PSG11: variants seen among roughly 807,000 people sequenced by gnomAD.
The protein encoded by PSG11 is pregnancy-specific beta-1-glycoprotein 11.
PSG11 carries 42 observed loss-of-function variants against 36.0 expected under a neutral mutation model. The ratio of observed to expected loss-of-function variants is 1.17; its 90% confidence interval spans 0.91 to 1.51. PSG11 has a LOEUF of 1.51. Ranked by LOEUF, PSG11 falls within the 40% of genes most tolerant of loss-of-function variation. The probability of loss-of-function intolerance (pLI) is 0.00; values close to 1 mark genes in which losing one functional copy is unlikely to be tolerated. For missense variants in PSG11, 558 were observed against 403.5 expected, an observed-to-expected ratio of 1.38 and a Z score of -3.28; for synonymous variants, 206 against 153.5, an observed-to-expected ratio of 1.34 and a Z score of -2.53.
chr19:43,018,659 C>T lies in PSG11; in HGVS notation c.709+111G>A, dbSNP rs891321177. ...AGAAAGTCATGGCCAGCTTTGATGT[C>T]CAGTGGTAAAGGTCTCTGTACTTGG... On this transcript the variant is annotated intron_variant, in intron 3 of 5. Coordinates refer to ENST00000320078, the MANE Select transcript of PSG11 (RefSeq NM_002785.3). The T allele has an allele frequency of 2.9e-5, 46 of 1,601,036 alleles. 1 individual carries two copies. Among genetic ancestry groups the T allele is most frequent in the Non-Finnish European group, 3.8e-5 (45 of 1,170,412 alleles).
In PSG11 at chr19:43,015,739, T is replaced by C. The variant is rs113023429; in HGVS notation, c.710-369A>G. ...CTGGTCGTTTGGATTTAAGCTGGTG[T>C]CCTGGCCCACAGAGGAACAAAAGAT... On this transcript the variant is annotated intron_variant, in intron 3 of 5. Coordinates refer to ENST00000320078, the MANE Select transcript of PSG11 (RefSeq NM_002785.3). 5 of 1,607,810 alleles carry C rather than the reference T, an allele frequency of 3.1e-6. 1 individual carries two copies. Among genetic ancestry groups the C allele is most frequent in the South Asian group, 2.2e-5 (2 of 90,448 alleles).
Position 43,018,776 on chromosome 19 carries a change from G to C in PSG11, c.703C>G (p.Leu235Val). Residue 235 changes from leucine to valine, a missense_variant, in exon 3 of 6, where the codon CTC becomes GTC. By Grantham distance (32) the Leu-to-Val change is conservative (BLOSUM62 1). Transcript: ENST00000320078. ...ASRSDPVTLN[L>V]LHGPDLPRIF... ...AGGAACAGAAGATACTCACGGAGGA[G>C]ATTCAGGGTGACTGGGTCACTGCGG... 1.9e-6 allele frequency: 3 copies of C among 1,612,144 alleles called. No homozygotes were observed. The highest frequency in any genetic ancestry group is 2.5e-6 in the Non-Finnish European group (3 of 1,179,054).
chr19:43,009,470 G>C lies in PSG11; in HGVS notation c.*40+488C>G, dbSNP rs201638243. On this transcript the variant is annotated intron_variant, in intron 5 of 5. Coordinates refer to ENST00000320078, the MANE Select transcript of PSG11 (RefSeq NM_002785.3). ...GAGGTAAAGGAAGTGAGAAGGCTTA[G>C]TAAATAGAAGAAATGTGAACTTATC... 2.4e-4 allele frequency among the ~76,000 whole-genome samples: 37 copies of C among 151,430 alleles called. 2 individuals are homozygous for C. The highest frequency in any genetic ancestry group is 9.7e-4 in the East Asian group (5 of 5,140).
In PSG11 at chr19:43,010,048, T is replaced by C. The variant is rs560060515; in HGVS notation, c.965-7A>G. ...GTTCCTAATCCTGGAGGAGCTGTCA[T>C]GGAAAGAAAAGAAAAGAAGGAATGA... On this transcript the variant is annotated splice_polypyrimidine_tract_variant and splice_region_variant and intron_variant, in intron 4 of 5. Coordinates refer to ENST00000320078, the MANE Select transcript of PSG11 (RefSeq NM_002785.3). The C allele has an allele frequency of 2.2e-5, 35 of 1,608,364 alleles. No individual in the cohort carries two copies. In the East Asian group the frequency reaches 6.5e-4, roughly 30 times the overall value.
intron 3 of PSG11, among the ~76,000 whole-genome samples, chr19:43,017,031 A>G (rs1455294137): frequency 6.6e-6 from 1 of 151,382 alleles, no homozygotes; most frequent in African/African-American, 2.4e-5. Flanking sequence ...TACTCTAGGG[A>G]CCTCATGTAA....
In PSG11 at chr19:43,015,294, G is replaced by A. The variant is rs757056010; in HGVS notation, c.786C>T (p.Phe262=). The part of the protein sequence containing the change: ...YSGENLDLSC[F]ANSNPPAQYS... ...ACTGTGCTGGTGGGTTAGAGTTTGC[G>A]AAGCAGGACAAGTCGAGGTTCTCTC... The change falls in exon 4 of 6, where the codon TTC becomes TTT. Residue 262 remains phenylalanine (F), a synonymous_variant. Coordinates refer to ENST00000320078, the MANE Select transcript of PSG11 (RefSeq NM_002785.3). 128 of 1,610,460 alleles carry A rather than the reference G, an allele frequency of 7.9e-5. No homozygotes were observed. In the Admixed American group the frequency reaches 2.0e-3, roughly 25 times the overall value.
At chr19:43,023,752 G>A (rs1967163482) in intron 2 of PSG11, among the ~76,000 whole-genome samples, 1 of 151,248 alleles carries the variant, frequency 6.6e-6, no homozygotes, top group African/African-American at 2.4e-5. Flanking sequence ...CTCTGATTCA[G>A]TGACTGTGCC....
At position 43,018,533 on chromosome 19, in the gene PSG11, T is replaced by C. The variant is rs1248639581; in HGVS notation, c.709+237A>G. On this transcript the variant is annotated intron_variant, in intron 3 of 5. Transcript: ENST00000320078. ...CTGGAGCCTGAGACATTCACCTGTT[T>C]CTCCCATCACAATCTGTGGACCCTG... 5.2e-6 allele frequency: 5 copies of C among 955,394 alleles called. No homozygotes were observed. In the African/African-American group the frequency reaches 8.4e-5, roughly 16 times the overall value. 59.2% of individuals were successfully genotyped at this position (955,394 alleles called of 1,614,324 possible).
At chr19:43,020,099 G>C (rs1011602809) in intron 2 of PSG11, among the ~76,000 whole-genome samples, 2 of 151,398 alleles carry the variant, frequency 1.3e-5, no homozygotes, top group African/African-American at 4.9e-5. Context: ...TGGGATCAGG[G>C]GAATTGGGTG....
intron 2 of PSG11, 120 bp from the exon 3 acceptor site, chr19:43,019,168 G>T: frequency 6.6e-7 from 1 of 1,520,372 alleles, no homozygotes; most frequent in Non-Finnish European, 8.8e-7. Context: ...AAAAGCCCAT[G>T]GCAGGTGTGT....
intron 2 of PSG11, chr19:43,019,258 T>C: frequency 1.8e-6 from 2 of 1,123,484 alleles, no homozygotes; most frequent in Non-Finnish European, 2.4e-6. Context: ...AAGCACAGAC[T>C]TTCTCAGGTG....
intron 4 of PSG11, chr19:43,010,502 G>A: frequency 3.4e-6 from 3 of 883,158 alleles, no homozygotes; most frequent in East Asian, 6.4e-5. Context: ...CTTTCCTACA[G>A]GCTCCCAGGA....
rs965177762 is a variant in PSG11, at chr19:43,011,571, A to G, written c.965-1530T>C. 2.8e-4 allele frequency among the ~76,000 whole-genome samples: 43 copies of G among 151,476 alleles called. 1 individual carries two copies. The highest frequency in any genetic ancestry group is 1.0e-3 in the African/African-American group (42 of 41,146). ...AGATTGACTAAGAAAAAAAGAGAAA[A>G]GTTTAAAATTACTCAAATCAGAAAT... On this transcript the variant is annotated intron_variant, in intron 4 of 5. Coordinates refer to ENST00000320078, the MANE Select transcript of PSG11 (RefSeq NM_002785.3).
chr19:43,024,839 T>G lies in PSG11; in HGVS notation c.282A>C (p.Ala94=), dbSNP rs767242445. The G allele has an allele frequency of 4.3e-6, 7 of 1,611,896 alleles. No individual in the cohort carries two copies. The African/African-American group carries it at 8.1e-5, about 19-fold the overall frequency. ...VDGQIIIYGP[A]YSGRETVYSN... Reference sequence around the variant, plus strand: ...AATATACTGTTTCTCGTCCACTGTATGCCGGTCCATATATAATTATTTGAC... The same window carrying G: ...AATATACTGTTTCTCGTCCACTGTAGGCCGGTCCATATATAATTATTTGAC... The change falls in exon 2 of 6, where the codon GCA becomes GCC. Residue 94 remains alanine, a synonymous_variant. Transcript: ENST00000320078.
At chr19:43,015,004 C>T in intron 4 of PSG11, 112 bp downstream of exon 4, 2 of 1,591,234 alleles carry the variant, frequency 1.3e-6, no homozygotes, top group African/African-American at 1.4e-5. Context: ...TTGGGATTTG[C>T]CTGTGCCCAT....
At chr19:43,013,718 T>C (rs952951281) in intron 4 of PSG11, among the ~76,000 whole-genome samples, 7 of 151,384 alleles carry the variant, frequency 4.6e-5, no homozygotes, top group African/African-American at 1.5e-4. Context: ...GTGTGCTGTT[T>C]CTCAAAAAAT....
At chr19:43,020,350 A>T (rs1186169620) in intron 2 of PSG11, among the ~76,000 whole-genome samples, 1 of 151,454 alleles carries the variant, frequency 6.6e-6, no homozygotes, top group Non-Finnish European at 1.5e-5. Flanking sequence ...TCTTTTTAGC[A>T]TCACATCAGT....
At chr19:43,023,160 G>T (rs186877803) in intron 2 of PSG11, among the ~76,000 whole-genome samples, 8,960 of 148,192 alleles carry the variant, frequency 0.06, 456 homozygotes, top group South Asian at 0.11. Context: ...GAGGTGGGGT[G>T]GCTTTAGGGG....
At chr19:43,025,195 A>G in intron 1 of PSG11, 139 bp from the exon 2 acceptor site, 1 of 1,355,068 alleles carries the variant, frequency 7.4e-7, no homozygotes, top group Admixed American at 2.3e-5. Flanking sequence ...ATACAAACAT[A>G]CACACACAGA....
Sources: allele counts gnomAD v4.1 joint callset (sites outside exome capture counted in the v4.1 genomes callset), GRCh38; gene constraint gnomAD v4.1.1; transcripts MANE v1.5; gene names NCBI Gene and HGNC (gene_info 2026-07-23, HGNC 2026-07-21).